CDH12: variants seen among roughly 807,000 people sequenced by gnomAD.
The protein encoded by CDH12 is cadherin 12.
In CDH12, 41 loss-of-function variants were observed where a neutral mutation model predicts 74.1. That is an observed-to-expected ratio of 0.55 (90% CI 0.43 to 0.72). CDH12 has a LOEUF of 0.72. Ranked by LOEUF, CDH12 falls within the 30% of genes least tolerant of loss-of-function variation. CDH12 has a pLI of 0.00. For missense variants in CDH12, 945 were observed against 977.2 expected (o/e 0.97, Z 0.44); for synonymous variants, 399 against 355.0 (o/e 1.12, Z -1.39).
At chr5:22,793,856 GTCT>G (rs1056300264) in intron 1 of CDH12, among the ~76,000 whole-genome samples, 1 of 151,706 alleles carries the variant, frequency 6.6e-6, no homozygotes, top group African/African-American at 2.4e-5. Flanking sequence ...CTGGCAATAA[GTCT>G]TCTTCACAAT....
At chr5:22,446,083 G>A (rs1744805123) in intron 2 of CDH12, among the ~76,000 whole-genome samples, 1 of 151,980 alleles carries the variant, frequency 6.6e-6, no homozygotes, top group African/African-American at 2.4e-5. Context: ...CCCCATTCAG[G>A]AAACCTCTAT....
At chr5:22,494,648 C>T (rs536306932) in intron 2 of CDH12, among the ~76,000 whole-genome samples, 23 of 152,286 alleles carry the variant, frequency 1.5e-4, no homozygotes, top group African/African-American at 5.5e-4. Flanking sequence ...CATTAGATGG[C>T]ATTTTGAATA....
At chr5:22,456,854 T>G (rs1745295310) in intron 2 of CDH12, among the ~76,000 whole-genome samples, 1 of 152,198 alleles carries the variant, frequency 6.6e-6, no homozygotes, top group South Asian at 2.1e-4. Context: ...CAAAGACAAT[T>G]GTGGAGCTCA....
At position 22,363,244 on chromosome 5, in the gene CDH12, C is replaced by A. The variant is rs531861955; in HGVS notation, c.-333+42013G>T. Among the ~76,000 whole-genome samples, 10 of 152,136 alleles carry A rather than the reference C, an allele frequency of 6.6e-5. No homozygotes were observed. The East Asian group carries it at 1.5e-3, about 24-fold the overall frequency. On this transcript the variant is annotated intron_variant, in intron 3 of 14. Transcript: ENST00000382254. ...ATCTATAAATAAATAATGATAATGT[C>A]ATTACAAACTTCTTAAATTTATCAT... is the stretch of plus-strand genomic sequence containing the variant.
chr5:22,431,446 A>G (rs1017983649), intron 2 of CDH12, among the ~76,000 whole-genome samples: 1 of 152,238 alleles, frequency 6.6e-6, no homozygotes, highest in Admixed American at 6.5e-5. Context: ...CAGCACATAC[A>G]ATTATGTAGA....
At chr5:22,415,674 A>G (rs1580624082) in intron 2 of CDH12, among the ~76,000 whole-genome samples, 1 of 152,170 alleles carries the variant, frequency 6.6e-6, no homozygotes, top group East Asian at 1.9e-4. Flanking sequence ...AAATGAGTGA[A>G]CCCACTTGAG....
intron 4 of CDH12, among the ~76,000 whole-genome samples, chr5:22,137,803 G>A (rs1247363366): frequency 1.3e-5 from 2 of 152,030 alleles, no homozygotes; most frequent in Non-Finnish European, 2.9e-5. Context: ...ACAAAACTGG[G>A]CCCCATGGAC....
chr5:22,102,292 G>A (rs979962207), intron 4 of CDH12, among the ~76,000 whole-genome samples: 1 of 152,186 alleles, frequency 6.6e-6, no homozygotes, highest in African/African-American at 2.4e-5. Context: ...ACCAAGATAC[G>A]GGTTCTCAAA....
At chr5:22,261,788 CA>C (rs34114097) in intron 3 of CDH12, among the ~76,000 whole-genome samples, 50,072 of 144,312 alleles carry the variant, frequency 0.35, 8,652 homozygotes, top group South Asian at 0.55. Flanking sequence ...GAAAGAAAGC[CA>C]AAAAAAAAAA....
chr5:22,473,801 T>G (rs1862927), intron 2 of CDH12, among the ~76,000 whole-genome samples: 84,076 of 151,914 alleles, frequency 0.55, 23,494 homozygotes, highest in Admixed American at 0.69. Context: ...TAAATTGATA[T>G]ATATAGTGTA....
At chr5:22,485,513 T>C (rs563895595) in intron 2 of CDH12, among the ~76,000 whole-genome samples, 39 of 152,370 alleles carry the variant, frequency 2.6e-4, no homozygotes, top group African/African-American at 8.7e-4. Flanking sequence ...TCATCCTTTT[T>C]ATTCTTATGC....
At chr5:22,110,012 A>G (rs1744713713) in intron 4 of CDH12, among the ~76,000 whole-genome samples, 1 of 152,202 alleles carries the variant, frequency 6.6e-6, no homozygotes, top group Non-Finnish European at 1.5e-5. Context: ...AGGGTAGTTA[A>G]TTTGGCAGAA....
intron 1 of CDH12, among the ~76,000 whole-genome samples, chr5:22,811,231 G>T (rs1340812527): frequency 1.3e-5 from 2 of 152,002 alleles, no homozygotes; most frequent in Non-Finnish European, 1.5e-5. Context: ...AGATCATCTG[G>T]ATATAGAGAA....
intron 4 of CDH12, among the ~76,000 whole-genome samples, chr5:22,098,791 C>T (rs1446693312): frequency 6.6e-6 from 1 of 152,168 alleles, no homozygotes; most frequent in African/African-American, 2.4e-5. Context: ...TTCCTTCTTT[C>T]CTGTTCCTCA....
At chr5:21,989,588 GT>G (rs1757662936) in intron 5 of CDH12, among the ~76,000 whole-genome samples, 1 of 152,076 alleles carries the variant, frequency 6.6e-6, no homozygotes, top group African/African-American at 2.4e-5. Context: ...CTCTCCCTGA[GT>G]TTAAAAAGGA....
At chr5:22,614,688 T>C (rs1737600265) in intron 1 of CDH12, among the ~76,000 whole-genome samples, 1 of 152,092 alleles carries the variant, frequency 6.6e-6, no homozygotes, top group South Asian at 2.1e-4. Context: ...GGGCTTTTGG[T>C]GTTTCCATCT....
intron 1 of CDH12, among the ~76,000 whole-genome samples, chr5:22,848,612 T>C (rs569729040): frequency 1.3e-5 from 2 of 152,304 alleles, no homozygotes; most frequent in Admixed American, 6.5e-5. Context: ...ATCATTTTCC[T>C]TCTTGAAGCA....
chr5:22,315,246 G>C (rs1254556107), intron 3 of CDH12, among the ~76,000 whole-genome samples: 1 of 150,592 alleles, frequency 6.6e-6, no homozygotes, highest in Non-Finnish European at 1.5e-5. Context: ...ACTGGCGTGA[G>C]CCACCGCGCC....
At chr5:22,204,200 T>G in intron 4 of CDH12, among the ~76,000 whole-genome samples, 1 of 148,672 alleles carries the variant, frequency 6.7e-6, no homozygotes. Flanking sequence ...TGAGACGGAG[T>G]CTCCCTCTGT....
Sources: gnomAD v4.1 joint callset for allele counts (sites outside exome capture counted in the v4.1 genomes callset) on GRCh38, gnomAD v4.1.1 for gene constraint, MANE v1.5 for transcripts, NCBI Gene and HGNC (gene_info 2026-07-23, HGNC 2026-07-21) for gene names.